The following UGT2B10 variants were observed in gnomAD, a reference collection of about 807,000 sequenced individuals.
The protein encoded by UGT2B10 is UDP glucuronosyltransferase family 2 member B10.
UGT2B10 carries 51 observed loss-of-function variants against 43.7 expected under a neutral mutation model. That is an observed-to-expected ratio of 1.17 (90% CI 0.93 to 1.47). The LOEUF (loss-of-function observed/expected upper bound fraction) is 1.47, where lower values mean the gene tolerates loss of function less well. Among genes scored for constraint, UGT2B10 ranks in the 40% most tolerant of loss-of-function variants. The pLI is 0.00. For missense variants in UGT2B10, 696 were observed against 617.7 expected, an observed-to-expected ratio of 1.13 and a Z score of -1.34; for synonymous variants, 225 against 209.0, an observed-to-expected ratio of 1.08 and a Z score of -0.66.
Position 68,831,443 on chromosome 4 carries a change from T to A in UGT2B10, c.*564T>A, listed in dbSNP as rs1440099621. Among the ~76,000 whole-genome samples, 1 of 151,868 alleles carries A rather than the reference T, an allele frequency of 6.6e-6. No homozygotes were observed. The highest frequency in any genetic ancestry group is 2.4e-5 in the African/African-American group (1 of 41,370). On this transcript the variant is annotated 3_prime_UTR_variant, in exon 6 of 6. Coordinates refer to ENST00000265403, the MANE Select transcript of UGT2B10 (RefSeq NM_001075.6). ...ATTCAAATGTTCAGGGATGAAAGAG[T>A]CACTAACATAAAAGAAGAATGGGAT...
chr4:68,821,829 A>G (rs1578266932), intron 2 of UGT2B10, among the ~76,000 whole-genome samples: 1 of 152,272 alleles, frequency 6.6e-6, no homozygotes, highest in East Asian at 1.9e-4. Context: ...GCTTCAAACT[A>G]AAAGAATTCT....
intron 4 of UGT2B10, 65 bp downstream of exon 4, chr4:68,826,562 C>T (rs1328293883): frequency 1.3e-6 from 2 of 1,508,946 alleles, no homozygotes; most frequent in African/African-American, 2.9e-5. Context: ...AATAGTTCAT[C>T]TCGAAGCATG....
intron 5 of UGT2B10, among the ~76,000 whole-genome samples, chr4:68,829,123 T>C (rs1285242618): frequency 2.6e-4 from 39 of 151,970 alleles, no homozygotes; most frequent in Non-Finnish European, 8.8e-5. Context: ...AACAGAAATA[T>C]CTATTCAACA....
rs1737300448 is a variant in UGT2B10 at position 68,818,029 on chromosome 4, G to A, written c.719G>A (p.Gly240Glu). ...KWDQFYSEVL[G>E]RPTTLSETMR... ...TTCTTCTTTTCTTTATTCCTATCAG[G>A]AAGACCCACTACATTATCTGAGACA... Residue 240 changes from glycine to glutamate, a missense_variant and splice_region_variant, in exon 2 of 6, where the codon GGA becomes GAA. Transcript: ENST00000265403. 1.2e-6 allele frequency: 2 copies of A among 1,604,752 alleles called. No individual in the cohort carries two copies. The highest frequency in any genetic ancestry group is 1.7e-5 in the Admixed American group (1 of 58,130).
chr4:68,818,120 A>G lies in UGT2B10; in HGVS notation c.810A>G (p.Leu270=). Residue 270 remains leucine, a synonymous_variant, in exon 2 of 6, where the codon TTA becomes TTG. Coordinates refer to ENST00000265403, the MANE Select transcript of UGT2B10 (RefSeq NM_001075.6). ...ATTTTAAATTTCCTCATCCATTCTT[A>G]CCAAATGTTGATTTTGTTGGAGGAC... ...SWNFKFPHPF[L]PNVDFVGGLH... 1.2e-6 allele frequency: 2 copies of G among 1,611,992 alleles called. No homozygotes were observed. Among genetic ancestry groups the G allele is most frequent in the Non-Finnish European group, 1.7e-6 (2 of 1,178,618 alleles).
intron 2 of UGT2B10, among the ~76,000 whole-genome samples, chr4:68,821,367 A>C (rs1048140769): frequency 4.6e-5 from 7 of 152,146 alleles, no homozygotes; most frequent in Non-Finnish European, 8.8e-5. Flanking sequence ...GATCCCCCTG[A>C]AGAAAGGCCT....
At chr4:68,816,853 A>G (rs2109682193) in intron 1 of UGT2B10, 116 bp downstream of exon 1, 1 of 908,714 alleles carries the variant, frequency 1.1e-6, no homozygotes, top group South Asian at 1.9e-5. Context: ...GAATTTATGA[A>G]ATGAAAATAC....
Position 68,822,342 on chromosome 4 carries a change from T to G in UGT2B10, c.939T>G (p.Ser313Arg). ...VVVFSLGSMV[S>R]NMTEERANVI... is the part of the protein sequence containing the mutation. ...TGTTTTCTCTGGGGTCAATGGTCAG[T>G]AACATGACAGAAGAAAGGGCCAACG... is the stretch of plus-strand genomic sequence containing the variant. The change falls in exon 3 of 6, where the codon AGT (serine) becomes AGG (arginine). Residue 313 changes from serine (S) to arginine (R), a missense_variant. Transcript: ENST00000265403. The G allele has an allele frequency of 6.2e-7, 1 of 1,613,736 alleles. No homozygotes were observed. The highest frequency in any genetic ancestry group is 8.5e-7 in the Non-Finnish European group (1 of 1,179,830).
chr4:68,817,734 T>C (rs1737286201), intron 1 of UGT2B10, among the ~76,000 whole-genome samples: 1 of 151,766 alleles, frequency 6.6e-6, no homozygotes, highest in African/African-American at 2.4e-5. Flanking sequence ...GAAAATAAAT[T>C]GATGTTTAAT....
At chr4:68,829,765 A>T (rs1027758296) in intron 5 of UGT2B10, among the ~76,000 whole-genome samples, 3 of 152,090 alleles carry the variant, frequency 2.0e-5, no homozygotes, top group Non-Finnish European at 4.4e-5. Flanking sequence ...TTAAAGAAAA[A>T]TAGTAGGCCA....
intron 2 of UGT2B10, among the ~76,000 whole-genome samples, chr4:68,821,008 T>A (rs910294736): frequency 1.3e-5 from 2 of 152,100 alleles, no homozygotes; most frequent in African/African-American, 4.8e-5. Context: ...CGAGTTACAT[T>A]AAATGTGGCT....
Position 68,826,479 on chromosome 4 carries a change from C to T in UGT2B10, c.1069C>T (p.Pro357Ser), listed in dbSNP as rs1269682923. ...CAATACTCGACTGTACAAGTGGATACCCCAGAATGACCTTCTAGGTAACAC... is the reference window on the plus strand; with the variant it reads ...CAATACTCGACTGTACAAGTGGATATCCCAGAATGACCTTCTAGGTAACAC... ...GLNTRLYKWI[P>S]QNDLLGHPKT... The change falls in exon 4 of 6, where the codon CCC becomes TCC. Residue 357 changes from proline to serine, a missense_variant. Physicochemically the swap from Pro to Ser is moderately conservative, Grantham distance 74. Transcript: ENST00000265403. The T allele has an allele frequency of 1.9e-6, 3 of 1,612,212 alleles. No homozygotes were observed. The highest frequency in any genetic ancestry group is 2.5e-6 in the Non-Finnish European group (3 of 1,179,066).
intron 2 of UGT2B10, 42 bp from the exon 3 acceptor site, chr4:68,822,229 T>C (rs1305354274): frequency 1.2e-6 from 2 of 1,604,944 alleles, no homozygotes; most frequent in African/African-American, 1.3e-5. Context: ...CCTGCTGTGG[T>C]GATACTCTTT....
chr4:68,827,611 G>T, intron 5 of UGT2B10, 63 bp downstream of exon 5: 2 of 1,594,434 alleles, frequency 1.3e-6, no homozygotes, highest in South Asian at 2.2e-5. Flanking sequence ...TCAGTAGTGA[G>T]CATGAGTTTC....
chr4:68,816,493 G>T lies in UGT2B10; in HGVS notation c.474G>T (p.Leu158=). Residue 158 remains leucine (L), a synonymous_variant, in exon 1 of 6, where the codon CTG becomes CTT. Coordinates refer to ENST00000265403, the MANE Select transcript of UGT2B10 (RefSeq NM_001075.6). ...FADAYLPCGE[L]LAELFNIPFV... is the part of the protein sequence containing the mutation. ...ATGCTTATTTACCCTGTGGTGAGCT[G>T]CTGGCTGAGCTATTTAACATACCCT... 6.2e-7 allele frequency: 1 copy of T among 1,613,232 alleles called. No homozygotes were observed.
Position 68,830,700 on chromosome 4 carries a change from A to G in UGT2B10, c.1408A>G (p.Lys470Glu), listed in dbSNP as rs768120686. The change falls in exon 6 of 6, where the codon AAA becomes GAA. Residue 470 changes from lysine (K) to glutamate (E), a missense_variant. Coordinates refer to ENST00000265403, the MANE Select transcript of UGT2B10 (RefSeq NM_001075.6). ...CTGGATTGAATTTGTCATGCGCCAC[A>G]AAGGAGCCAAACATCTTCGAGTTGC... is the stretch of plus-strand genomic sequence containing the variant. ...VFWIEFVMRHKGAKHLRVAAH... is the reference protein window; with the variant it reads ...VFWIEFVMRHEGAKHLRVAAH... The G allele has an allele frequency of 1.2e-6, 2 of 1,613,428 alleles. No homozygotes were observed. The highest frequency in any genetic ancestry group is 1.7e-5 in the Admixed American group (1 of 59,962).
chr4:68,818,446 A>T (rs1737332069), intron 2 of UGT2B10, among the ~76,000 whole-genome samples: 1 of 151,874 alleles, frequency 6.6e-6, no homozygotes, highest in Admixed American at 6.6e-5. Flanking sequence ...CTAAGAAGGT[A>T]TTGGTCATTC....
intron 5 of UGT2B10, among the ~76,000 whole-genome samples, chr4:68,828,261 A>AT (rs140140390): frequency 3.3e-5 from 5 of 151,154 alleles, no homozygotes; most frequent in African/African-American, 7.3e-5. Flanking sequence ...ACCTAGCCTA[A>AT]TTTTTTTTTA....
At chr4:68,818,231 G>C in intron 2 of UGT2B10, 54 bp downstream of exon 2, 2 of 1,595,256 alleles carry the variant, frequency 1.3e-6, no homozygotes, top group Non-Finnish European at 1.7e-6. Flanking sequence ...CAGTAGAAAT[G>C]ACTGTATAGT....
Sources: gnomAD v4.1 joint callset for allele counts (sites outside exome capture counted in the v4.1 genomes callset) on GRCh38, gnomAD v4.1.1 for gene constraint, MANE v1.5 for transcripts, NCBI Gene and HGNC (gene_info 2026-07-23, HGNC 2026-07-21) for gene names.